The following WDR11 variants were observed in gnomAD, a reference collection of about 807,000 sequenced individuals.
The protein encoded by WDR11 is WD repeat domain 11.
WDR11 carries 83 observed loss-of-function variants against 151.2 expected under a neutral mutation model. The ratio of observed to expected loss-of-function variants is 0.55; its 90% CI spans 0.46 to 0.66. The LOEUF is 0.66. Among genes scored for constraint, WDR11 ranks in the 30% least tolerant of loss-of-function variants. The pLI is 0.00. For synonymous variants in WDR11, 484 were observed against 533.1 expected, an observed-to-expected ratio of 0.91 and a Z score of 1.27; for missense variants, 1,301 against 1,480.9, an observed-to-expected ratio of 0.88 and a Z score of 1.99.
rs200624397 is a variant in WDR11 at position 120,903,999 on chromosome 10, C to T, written c.2932-48C>T. On this transcript the variant is annotated intron_variant, in intron 23 of 28. Coordinates refer to ENST00000263461, the MANE Select transcript of WDR11 (RefSeq NM_018117.12). ...AAGTACAGTAAAATTTAAATAATTC[C>T]AAACTCTTATAATCCAGGCTTAATT... 1,652 of 1,297,502 alleles carry T rather than the reference C, an allele frequency of 1.3e-3. 5 individuals are homozygous for T. The highest frequency in any genetic ancestry group is 1.6e-3 in the Middle Eastern group (8 of 5,104). The allele number at this position is 1,297,502 out of a possible 1,614,324, so 80.4% of individuals were successfully genotyped here. A position where few individuals can be genotyped will look rare whatever the true frequency, so the allele number is the denominator to read the frequency against.
intron 19 of WDR11, 152 bp from the exon 20 acceptor site, chr10:120,899,877 T>A: frequency 3.0e-6 from 2 of 661,056 alleles, no homozygotes; most frequent in South Asian, 1.7e-5. Context: ...TTGGCTTGTG[T>A]TTCCTAAGCG....
intron 5 of WDR11, among the ~76,000 whole-genome samples, chr10:120,863,913 A>C (rs1262599333): frequency 6.6e-6 from 1 of 152,198 alleles, no homozygotes; most frequent in Non-Finnish European, 1.5e-5. Context: ...ATTACTTCTT[A>C]AGTATCTTAA....
In WDR11 at chr10:120,860,150, C is replaced by T. The variant is rs200398973; in HGVS notation, c.394C>T (p.Leu132=). The stretch of plus-strand genomic sequence containing the variant: ...GAATCAAGATGCTTCCCGCGATTTA[C>T]TGCTTGCTATCCACCCGCCAAATTA... ...LWNQDASRDL[L]LAIHPPNYIV... is the part of the protein sequence containing the mutation. Residue 132 remains leucine, a synonymous_variant, in exon 4 of 29, where the codon CTG becomes TTG. Transcript: ENST00000263461. 2 of 1,614,158 alleles carry T rather than the reference C, an allele frequency of 1.2e-6. No homozygotes were observed. The highest frequency in any genetic ancestry group is 1.1e-5 in the South Asian group (1 of 91,084).
At position 120,851,526 on chromosome 10, in the gene WDR11, A is replaced by T. The variant is rs757025421; in HGVS notation, c.86+20A>T. The T allele has an allele frequency of 1.4e-5, 22 of 1,605,270 alleles. No individual in the cohort carries two copies. The Admixed American group carries it at 1.9e-4, about 14-fold the overall frequency. Reference sequence around the variant, plus strand: ...GGACTGGTGAGGACGCCGAGCTTCCAGGTCGCCAGGATCGGCCAGGAATGT... The same window carrying T: ...GGACTGGTGAGGACGCCGAGCTTCCTGGTCGCCAGGATCGGCCAGGAATGT... On this transcript the variant is annotated intron_variant, in intron 1 of 28. Coordinates refer to ENST00000263461, the MANE Select transcript of WDR11 (RefSeq NM_018117.12).
intron 11 of WDR11, among the ~76,000 whole-genome samples, chr10:120,877,590 G>C (rs560572684): frequency 6.6e-6 from 1 of 152,166 alleles, no homozygotes; most frequent in East Asian, 1.9e-4. Flanking sequence ...CTGCACTCCA[G>C]CTTGGGTGAC....
intron 19 of WDR11, among the ~76,000 whole-genome samples, chr10:120,897,682 G>T (rs1244910796): frequency 6.6e-6 from 1 of 152,078 alleles, no homozygotes; most frequent in Non-Finnish European, 1.5e-5. Flanking sequence ...AAATGAAAAG[G>T]TCACATAAGG....
Position 120,906,498 on chromosome 10 carries a change from CAG to C in WDR11, c.3438-277_3438-276del, listed in dbSNP as rs112349416. ...CAAAAGATTACTTGTCAACTCTGGA[CAG>C]GGGTACATGGGCACTTGTCATATCT... is the stretch of plus-strand genomic sequence containing the variant. On this transcript the variant is annotated intron_variant, in intron 27 of 28. Coordinates refer to ENST00000263461, the MANE Select transcript of WDR11 (RefSeq NM_018117.12). The C allele has an allele frequency of 1.1e-4, 148 of 1,318,500 alleles. No homozygotes were observed. The African/African-American group carries it at 1.9e-3, about 17-fold the overall frequency. The allele number at this position is 1,318,500 out of a possible 1,614,324, so 81.7% of individuals were successfully genotyped here.
In WDR11 at chr10:120,900,123, G is replaced by A. The variant is rs749803232; in HGVS notation, c.2610G>A (p.Leu870=). The A allele has an allele frequency of 2.5e-6, 4 of 1,612,798 alleles. No homozygotes were observed. Among genetic ancestry groups the A allele is most frequent in the Non-Finnish European group, 3.4e-6 (4 of 1,178,830 alleles). The change falls in exon 20 of 29, where the codon TTG becomes TTA. Residue 870 remains leucine (L), a synonymous_variant. Coordinates refer to ENST00000263461, the MANE Select transcript of WDR11 (RefSeq NM_018117.12). ...LHQPWNGQYS[L]DISHVDYPEN... ...AGCCTTGGAATGGACAGTATTCTTT[G>A]GACATTTCTCATGTGTAAGTTTTTC...
chr10:120,887,615 G>A (rs1348001221), intron 16 of WDR11, among the ~76,000 whole-genome samples: 4 of 152,214 alleles, frequency 2.6e-5, no homozygotes, highest in African/African-American at 7.2e-5. Flanking sequence ...CTTTTGAAGT[G>A]TAATGGGACA....
intron 2 of WDR11, among the ~76,000 whole-genome samples, chr10:120,853,557 G>A (rs375005682): frequency 1.7e-4 from 26 of 152,208 alleles, no homozygotes; most frequent in African/African-American, 6.0e-4. Context: ...GAGTCACCGC[G>A]CCCAGCAGGA....
rs759249922 is a variant in WDR11, at chr10:120,878,308, TAAAA to T, written c.1557-42_1557-39del. 1.4e-5 allele frequency: 20 copies of T among 1,441,126 alleles called. No homozygotes were observed. The East Asian group carries it at 4.1e-4, about 30-fold the overall frequency. The allele number at this position is 1,441,126 out of a possible 1,614,324, so 89.3% of individuals were successfully genotyped here. On this transcript the variant is annotated intron_variant, in intron 11 of 28. Transcript: ENST00000263461. ...TTTTCAAATAAATGAACCTTTCAAA[TAAAA>T]AAGAGAATTAGTTTAACCTTTATCT...
At chr10:120,862,658 C>T (rs79013558) in intron 4 of WDR11, 77 bp from the exon 5 acceptor site, 2 of 1,439,374 alleles carry the variant, frequency 1.4e-6, no homozygotes, top group Admixed American at 3.3e-5. Flanking sequence ...CTATATTGCT[C>T]TCAAAATTGT....
chr10:120,870,633 T>G (rs1280974878), intron 9 of WDR11, among the ~76,000 whole-genome samples: 3 of 151,220 alleles, frequency 2.0e-5, no homozygotes, highest in African/African-American at 7.3e-5. Context: ...TGTTTTATAT[T>G]TACTTATAAA....
In WDR11 at chr10:120,865,067, A is replaced by G. The variant is rs778732282; in HGVS notation, c.734A>G (p.Asn245Ser). The change falls in exon 6 of 29, where the codon AAT becomes AGT. Residue 245 changes from asparagine to serine, a missense_variant. Transcript: ENST00000263461. ...EKPSAEFITL[N>S]DCLQLAYLPS... ...TTCAGTGCTGAATTCATAACTCTCAATGATTGCCTTCAGTTGGCATACCTG... is the reference window on the plus strand; with the variant it reads ...TTCAGTGCTGAATTCATAACTCTCAGTGATTGCCTTCAGTTGGCATACCTG... 6.2e-6 allele frequency: 10 copies of G among 1,613,922 alleles called. No homozygotes were observed. The highest frequency in any genetic ancestry group is 3.3e-5 in the Admixed American group (2 of 60,024).
At chr10:120,873,142 C>T (rs1459685127) in intron 10 of WDR11, among the ~76,000 whole-genome samples, 1 of 152,168 alleles carries the variant, frequency 6.6e-6, no homozygotes, top group African/African-American at 2.4e-5. Context: ...ATAGTGATGA[C>T]AGAATACTAA....
intron 2 of WDR11, among the ~76,000 whole-genome samples, chr10:120,857,607 C>T (rs1207963129): frequency 6.6e-6 from 1 of 152,122 alleles, no homozygotes; most frequent in South Asian, 2.1e-4. Context: ...ACCTTAAGGC[C>T]TGTTCACGCT....
At chr10:120,889,824 T>C (rs1028224420) in intron 17 of WDR11, 71 bp from the exon 18 acceptor site, 14 of 1,011,866 alleles carry the variant, frequency 1.4e-5, no homozygotes, top group Non-Finnish European at 1.9e-5. Flanking sequence ...TAGTGAGAGA[T>C]GTTAGACATA....
At chr10:120,878,882 A>G (rs560707524) in intron 12 of WDR11, 1 of 156,606 alleles carries the variant, frequency 6.4e-6, no homozygotes, top group African/African-American at 2.4e-5. Flanking sequence ...CTCAAATTTA[A>G]AACTTGTAAT....
intron 28 of WDR11, chr10:120,908,100 A>T (rs576176413): frequency 2.5e-4 from 46 of 184,224 alleles, no homozygotes; most frequent in African/African-American, 9.7e-4. Context: ...TAAATAAAAA[A>T]AAACCAATAG....
Sources: gnomAD v4.1 joint callset for allele counts (sites outside exome capture counted in the v4.1 genomes callset) on GRCh38, gnomAD v4.1.1 for gene constraint, MANE v1.5 for transcripts, NCBI Gene and HGNC (gene_info 2026-07-23, HGNC 2026-07-21) for gene names.